The following ADGRL3 variants were observed in gnomAD, a reference collection of about 807,000 sequenced individuals.
ADGRL3 encodes the protein calcium-independent alpha-latrotoxin receptor 3.
ADGRL3 carries 62 observed loss-of-function variants against 153.5 expected under a neutral mutation model. That is an observed-to-expected ratio of 0.40 (90% CI 0.33 to 0.50). ADGRL3 has a LOEUF of 0.50. Ranked by LOEUF, ADGRL3 falls within the 20% of genes least tolerant of loss-of-function variation. The probability of loss-of-function intolerance (pLI) is 0.47; values close to 1 mark genes in which losing one functional copy is unlikely to be tolerated. For synonymous variants in ADGRL3, 710 were observed against 672.5 expected, an observed-to-expected ratio of 1.06 and a Z score of -0.86; for missense variants, 1,641 against 1,859.4, an observed-to-expected ratio of 0.88 and a Z score of 2.16.
At chr4:61,250,338 G>A (rs1429455555) in intron 1 of ADGRL3, among the ~76,000 whole-genome samples, 4 of 152,164 alleles carry the variant, frequency 2.6e-5, no homozygotes, top group Admixed American at 2.6e-4. Context: ...TCTTGTTAAA[G>A]GAGGAGTTGG....
chr4:61,959,504 G>A (rs765804225), intron 17 of ADGRL3, among the ~76,000 whole-genome samples: 8 of 151,846 alleles, frequency 5.3e-5, no homozygotes, highest in Non-Finnish European at 8.8e-5. Flanking sequence ...CCAAGTATGG[G>A]CCTTTATTTG....
At chr4:62,024,833 G>A (rs1027069344) in intron 21 of ADGRL3, among the ~76,000 whole-genome samples, 3 of 151,714 alleles carry the variant, frequency 2.0e-5, no homozygotes, top group Non-Finnish European at 4.4e-5. Flanking sequence ...AGGAGGCTGA[G>A]GCAGGAGAAT....
chr4:61,641,279 TTTTA>T (rs1053346408), intron 5 of ADGRL3, among the ~76,000 whole-genome samples: 11 of 151,824 alleles, frequency 7.2e-5, no homozygotes, highest in African/African-American at 1.5e-4. Context: ...TTTTTTTTCG[TTTTA>T]TTTATTTATT....
intron 1 of ADGRL3, among the ~76,000 whole-genome samples, chr4:61,378,523 T>G (rs954090065): frequency 6.6e-6 from 1 of 151,994 alleles, no homozygotes; most frequent in Non-Finnish European, 1.5e-5. Flanking sequence ...GGATGAGACT[T>G]CAGCACAGTG....
intron 8 of ADGRL3, among the ~76,000 whole-genome samples, chr4:61,812,991 G>T (rs2097648268): frequency 6.6e-6 from 1 of 152,186 alleles, no homozygotes; most frequent in African/African-American, 2.4e-5. Context: ...ATTGTAAAGT[G>T]ATCTAAATAA....
At chr4:61,813,690 T>C (rs960222999) in intron 8 of ADGRL3, 119 bp from the exon 9 acceptor site, 13 of 1,161,362 alleles carry the variant, frequency 1.1e-5, no homozygotes, top group Non-Finnish European at 1.6e-5. Flanking sequence ...ATATGTCTAC[T>C]CTTTAATTTA....
At chr4:61,427,486 T>C (rs976075291) in intron 2 of ADGRL3, 2 of 153,542 alleles carry the variant, frequency 1.3e-5, no homozygotes, top group South Asian at 4.1e-4. Flanking sequence ...TCCAGGTAGA[T>C]AGGGGTTCCC....
At chr4:61,931,182 A>G (rs2098816049) in intron 13 of ADGRL3, among the ~76,000 whole-genome samples, 1 of 152,186 alleles carries the variant, frequency 6.6e-6, no homozygotes, top group Non-Finnish European at 1.5e-5. Context: ...ACTATTTAAT[A>G]CACATGTTGC....
At chr4:61,566,413 G>A (rs1257126396) in intron 4 of ADGRL3, among the ~76,000 whole-genome samples, 1 of 152,166 alleles carries the variant, frequency 6.6e-6, no homozygotes, top group Non-Finnish European at 1.5e-5. Flanking sequence ...AGTACTGGGG[G>A]TTGGGACTTC....
At chr4:61,280,113 C>CTT (rs1560420005) in intron 1 of ADGRL3, among the ~76,000 whole-genome samples, 1 of 54,048 alleles carries the variant, frequency 1.9e-5, no homozygotes, top group African/African-American at 4.9e-5. Context: ...TTTTCTTTTT[C>CTT]TTTTTTTTTT....
intron 2 of ADGRL3, among the ~76,000 whole-genome samples, chr4:61,432,399 A>G (rs1401896022): frequency 6.6e-6 from 1 of 152,184 alleles, no homozygotes; most frequent in Non-Finnish European, 1.5e-5. Context: ...CCTGATAAGT[A>G]AAAATTACAT....
intron 8 of ADGRL3, among the ~76,000 whole-genome samples, chr4:61,804,723 G>A (rs575829177): frequency 6.6e-6 from 1 of 152,124 alleles, no homozygotes; most frequent in East Asian, 1.9e-4. Flanking sequence ...AATGCCTATT[G>A]GCCATTATTT....
chr4:62,066,333 A>G (rs1742980828), intron 25 of ADGRL3, among the ~76,000 whole-genome samples: 1 of 152,112 alleles, frequency 6.6e-6, no homozygotes, highest in Non-Finnish European at 1.5e-5. Context: ...AGTTGCACCA[A>G]TGCTATCCAA....
chr4:61,869,173 G>A (rs2098420538), intron 9 of ADGRL3, among the ~76,000 whole-genome samples: 1 of 152,024 alleles, frequency 6.6e-6, no homozygotes, highest in African/African-American at 2.4e-5. Context: ...TGAACTCCTG[G>A]GCTCAAGCCA....
chr4:61,629,721 C>CAA (rs59504485), intron 5 of ADGRL3, among the ~76,000 whole-genome samples: 9 of 33,446 alleles, frequency 2.7e-4, no homozygotes, highest in African/African-American at 5.2e-4. Context: ...CGTCTCGGGG[C>CAA]AAAAAAAAAA....
intron 1 of ADGRL3, among the ~76,000 whole-genome samples, chr4:61,244,357 A>G (rs766046149): frequency 5.3e-5 from 8 of 152,070 alleles, no homozygotes; most frequent in Non-Finnish European, 1.2e-4. Flanking sequence ...ATTAAACAGT[A>G]TTATAGAAGA....
At chr4:62,065,409 A>C (rs1742473617) in intron 25 of ADGRL3, among the ~76,000 whole-genome samples, 1 of 152,066 alleles carries the variant, frequency 6.6e-6, no homozygotes, top group African/African-American at 2.4e-5. Flanking sequence ...GTGCTTTGGC[A>C]GAACAATTAA....
chr4:61,299,158 C>G (rs999193248), intron 1 of ADGRL3, among the ~76,000 whole-genome samples: 1 of 151,918 alleles, frequency 6.6e-6, no homozygotes, highest in South Asian at 2.1e-4. Flanking sequence ...TCCCCATCTT[C>G]CCCCCCTTTT....
intron 5 of ADGRL3, among the ~76,000 whole-genome samples, chr4:61,662,174 T>G (rs1414288030): frequency 6.6e-6 from 1 of 152,156 alleles, no homozygotes; most frequent in East Asian, 1.9e-4. Flanking sequence ...GTGCTCCCTG[T>G]GTGAAGCTGC....
Sources: gnomAD v4.1 joint callset for allele counts (sites outside exome capture counted in the v4.1 genomes callset) on GRCh38, gnomAD v4.1.1 for gene constraint, MANE v1.5 for transcripts, NCBI Gene and HGNC (gene_info 2026-07-23, HGNC 2026-07-21) for gene names.